The following RBFOX1 variants were observed in gnomAD, a reference collection of about 807,000 sequenced individuals.
RBFOX1 encodes the protein RNA binding protein fox-1 homolog 1.
RBFOX1 carries 8 observed loss-of-function variants against 57.7 expected under a neutral mutation model. The observed-to-expected ratio is 0.14, with a 90% CI of 0.08 to 0.25. RBFOX1 has a LOEUF of 0.25. Among genes scored for constraint, RBFOX1 ranks in the 10% least tolerant of loss-of-function variants. RBFOX1 has a pLI of 1.00. For missense variants in RBFOX1, 611 were observed against 548.5 expected (o/e 1.11, Z -1.14); for synonymous variants, 326 against 222.4 (o/e 1.47, Z -4.15).
At chr16:5,430,836 A>G (rs2067711083) in intron 1 of RBFOX1, among the ~76,000 whole-genome samples, 1 of 152,236 alleles carries the variant, frequency 6.6e-6, no homozygotes, top group Non-Finnish European at 1.5e-5. Flanking sequence ...TACAGATACA[A>G]CAGCCAACCT....
chr16:6,062,221 T>G (rs1264570384), intron 1 of RBFOX1, among the ~76,000 whole-genome samples: 1 of 152,160 alleles, frequency 6.6e-6, no homozygotes, highest in African/African-American at 2.4e-5. Flanking sequence ...CTTTCAGGTT[T>G]TTATGGAGGC....
At chr16:6,370,180 A>G (rs1343919901) in intron 2 of RBFOX1, among the ~76,000 whole-genome samples, 1 of 151,956 alleles carries the variant, frequency 6.6e-6, no homozygotes, top group Non-Finnish European at 1.5e-5. Context: ...AATGCGGTGA[A>G]AACCTGTCTC....
At chr16:6,070,890 T>G (rs1040193928) in intron 1 of RBFOX1, among the ~76,000 whole-genome samples, 4 of 151,934 alleles carry the variant, frequency 2.6e-5, no homozygotes, top group Non-Finnish European at 5.9e-5. Flanking sequence ...TAATTTAATG[T>G]TTTTCATCTA....
chr16:5,712,230 C>G (rs1259357858), intron 3 of RBFOX1, among the ~76,000 whole-genome samples: 2 of 152,214 alleles, frequency 1.3e-5, no homozygotes, highest in East Asian at 1.9e-4. Context: ...CTGGGGATTA[C>G]CATTTGAGAT....
At chr16:7,707,523 G>C (rs2082867350) in intron 14 of RBFOX1, among the ~76,000 whole-genome samples, 1 of 152,092 alleles carries the variant, frequency 6.6e-6, no homozygotes, top group Non-Finnish European at 1.5e-5. Context: ...TCAGGAAATG[G>C]TCAAAGAATC....
At chr16:5,630,502 A>T (rs1187225188) in intron 3 of RBFOX1, among the ~76,000 whole-genome samples, 4 of 152,132 alleles carry the variant, frequency 2.6e-5, no homozygotes, top group Non-Finnish European at 5.9e-5. Context: ...GACCTTAGAC[A>T]TCAGATGTGC....
At chr16:7,708,799 C>A (rs533028104) in intron 14 of RBFOX1, among the ~76,000 whole-genome samples, 129 of 144,646 alleles carry the variant, frequency 8.9e-4, no homozygotes, top group South Asian at 1.9e-3. Context: ...TGGGGGGAGG[C>A]AGGGAAAAGC....
chr16:6,487,255 C>G (rs1180939021), intron 2 of RBFOX1, among the ~76,000 whole-genome samples: 1 of 151,550 alleles, frequency 6.6e-6, no homozygotes, highest in African/African-American at 2.4e-5. Context: ...GTTATGAATT[C>G]AAGCAATTAA....
chr16:6,636,466 G>A (rs1233336923), intron 2 of RBFOX1, among the ~76,000 whole-genome samples: 3 of 151,910 alleles, frequency 2.0e-5, no homozygotes, highest in African/African-American at 2.4e-5. Flanking sequence ...CACCGCACCC[G>A]GCTGGATTTT....
At chr16:7,408,231 C>G (rs2098380025) in intron 4 of RBFOX1, among the ~76,000 whole-genome samples, 1 of 152,202 alleles carries the variant, frequency 6.6e-6, no homozygotes, top group Non-Finnish European at 1.5e-5. Context: ...GAGACTGACA[C>G]TCAAATCATT....
intron 15 of RBFOX1, chr16:7,709,426 G>A: frequency 2.3e-6 from 3 of 1,322,026 alleles, no homozygotes; most frequent in East Asian, 2.6e-5. Context: ...ATCACTAACA[G>A]AATGCAGTGT....
At chr16:6,478,388 AAT>A (rs71406379) in intron 2 of RBFOX1, among the ~76,000 whole-genome samples, 42 of 41,542 alleles carry the variant, frequency 1.0e-3, no homozygotes, top group African/African-American at 1.4e-3. Flanking sequence ...ACACCCAGCT[AAT>A]ATATATATAT....
At chr16:5,833,695 T>C (rs11642049) in intron 3 of RBFOX1, among the ~76,000 whole-genome samples, 2,297 of 152,226 alleles carry the variant, frequency 0.015, 29 homozygotes, top group Middle Eastern at 0.034. Context: ...GCATTGGTCC[T>C]TGAAATGTCT....
At chr16:7,036,718 AC>A (rs1049764393) in intron 3 of RBFOX1, among the ~76,000 whole-genome samples, 3 of 122,704 alleles carry the variant, frequency 2.4e-5, no homozygotes, top group African/African-American at 7.4e-5. Flanking sequence ...AACAAAAAAA[AC>A]AAAAAACAAA....
rs374827330 is a variant in RBFOX1 at position 5,811,143 on chromosome 16, ATTTTTTTTTT to A, written c.319-56146_319-56137del. Among the ~76,000 whole-genome samples, 10 of 104,576 alleles carry A rather than the reference ATTTTTTTTTT, an allele frequency of 9.6e-5. No individual in the cohort carries two copies. In the South Asian group the frequency reaches 1.7e-3, roughly 18 times the overall value. 68.6% of individuals were successfully genotyped at this position (104,576 alleles called of 152,430 possible). A position where few individuals can be genotyped will look rare whatever the true frequency, so the allele number is the denominator to read the frequency against. On this transcript the variant is annotated intron_variant, in intron 3 of 19. Coordinates refer to the RBFOX1 transcript ENST00000641259. ...ATATAAATGAAATCTTATGGAACAA[ATTTTTTTTTT>A]TTTTTTTTTTTTTGAGATGGAGTCT...
At chr16:6,618,207 G>C (rs1311739148) in intron 2 of RBFOX1, among the ~76,000 whole-genome samples, 1 of 152,138 alleles carries the variant, frequency 6.6e-6, no homozygotes, top group East Asian at 1.9e-4. Context: ...ACCCTGCCTA[G>C]TGGTCTACCC....
intron 5 of RBFOX1, among the ~76,000 whole-genome samples, chr16:7,543,013 T>A (rs1275473943): frequency 6.6e-6 from 1 of 152,156 alleles, no homozygotes; most frequent in African/African-American, 2.4e-5. Context: ...CGCTCTAGGT[T>A]GCATCTCAGT....
intron 3 of RBFOX1, among the ~76,000 whole-genome samples, chr16:6,986,183 T>TA (rs200926388): frequency 0.059 from 7,970 of 134,728 alleles, 248 homozygotes; most frequent in African/African-American, 0.086. Flanking sequence ...CCAATTTCTA[T>TA]TTTTATTTAT....
At chr16:6,339,297 T>C (rs1467544119) in intron 2 of RBFOX1, among the ~76,000 whole-genome samples, 3 of 152,166 alleles carry the variant, frequency 2.0e-5, no homozygotes, top group East Asian at 1.9e-4. Flanking sequence ...TCAATCATCT[T>C]GAACTTGAAG....
Sources: allele counts gnomAD v4.1 joint callset (sites outside exome capture counted in the v4.1 genomes callset), GRCh38; gene constraint gnomAD v4.1.1; transcripts MANE v1.5; gene names NCBI Gene and HGNC (gene_info 2026-07-23, HGNC 2026-07-21).